Variants in DCAF11 observed in about 807,000 individuals in gnomAD.
DCAF11 encodes the protein DDB1 and CUL4 associated factor 11.
A neutral mutation model predicts 76.1 loss-of-function variants in DCAF11; 44 were observed. That is an observed-to-expected ratio of 0.58 (90% confidence interval 0.45 to 0.74). The LOEUF (loss-of-function observed/expected upper bound fraction) is 0.74. Ranked by LOEUF, DCAF11 falls within the 30% of genes least tolerant of loss-of-function variation. The probability of loss-of-function intolerance (pLI) is 0.00; values close to 1 mark genes in which losing one functional copy is unlikely to be tolerated. For missense variants in DCAF11, 604 were observed against 709.4 expected, an observed-to-expected ratio of 0.85 and a Z score of 1.69; for synonymous variants, 258 against 255.0, an observed-to-expected ratio of 1.01 and a Z score of -0.11.
intron 11 of DCAF11, among the ~76,000 whole-genome samples, chr14:24,120,371 A>G (rs1389486482): frequency 4.6e-5 from 7 of 152,150 alleles, no homozygotes; most frequent in Non-Finnish European, 1.0e-4. Context: ...CCTGGCTAAC[A>G]TGGTGAAACC....
chr14:24,121,664 T>G (rs2037693048), intron 13 of DCAF11, 147 bp downstream of exon 13: 12 of 803,670 alleles, frequency 1.5e-5, no homozygotes, highest in Non-Finnish European at 2.3e-5. Flanking sequence ...AACAGAGAAA[T>G]AGAAACCATT....
rs905453565 is a variant in DCAF11 at position 24,114,987 on chromosome 14, C to A, written c.-520C>A. The A allele has an allele frequency of 4.1e-6, 4 of 985,818 alleles. No homozygotes were observed. The African/African-American group carries it at 5.2e-5, about 13-fold the overall frequency. The allele number at this position is 985,818 out of a possible 1,614,324, so 61.1% of individuals were successfully genotyped here. The stretch of plus-strand genomic sequence containing the variant: ...AGTGGGAGGTGCTTCTCGGCTTCCT[C>A]CCCCTCATGGCGTACACACCCCCGG... On this transcript the variant is annotated 5_prime_UTR_variant, in exon 1 of 15. Coordinates refer to ENST00000446197, the MANE Select transcript of DCAF11 (RefSeq NM_025230.5).
At chr14:24,119,678 G>A in intron 10 of DCAF11, 33 bp from the exon 11 acceptor site, 2 of 1,614,126 alleles carry the variant, frequency 1.2e-6, no homozygotes, top group Non-Finnish European at 1.7e-6. Context: ...GACCTAGAAA[G>A]AGGTCTTATA....
intron 5 of DCAF11, 28 bp from the exon 6 acceptor site, chr14:24,118,027 C>CA: frequency 6.6e-7 from 1 of 1,509,736 alleles, no homozygotes; most frequent in Non-Finnish European, 9.1e-7. Flanking sequence ...GAGCACCCCT[C>CA]ACCCTCACTT....
chr14:24,125,004 C>T lies in DCAF11; in HGVS notation c.*1695C>T, dbSNP rs1134340. On this transcript the variant is annotated 3_prime_UTR_variant, in exon 15 of 15. Transcript: ENST00000446197. Reference sequence around the variant, plus strand: ...GTGAGCTGAGTGCAGTGAGCCAAGACCATGCCATTACACTCAAGCTTGGGC... The same window carrying T: ...GTGAGCTGAGTGCAGTGAGCCAAGATCATGCCATTACACTCAAGCTTGGGC... 66,845 of 151,842 alleles carry T rather than the reference C, an allele frequency of 0.44. 16,013 individuals carry two copies. Among genetic ancestry groups the T allele is most frequent in the East Asian group, 0.63 (3,243 of 5,156 alleles). 9.4% of individuals were successfully genotyped at this position (151,842 alleles called of 1,614,324 possible).
At position 24,117,075 on chromosome 14, in the gene DCAF11, C is replaced by G. The variant is rs754929890; in HGVS notation, c.283+31C>G. On this transcript the variant is annotated intron_variant, in intron 3 of 14. Transcript: ENST00000446197. This position sits in a 1 kb window ranked among gnomAD's most constrained non-coding sequence, Gnocchi z 4.3. ...AGGAAAAGCCCCTAATGTTGGAAGA[C>G]TTTTACTAGAAAACCTTTTAGTGAT... is the stretch of plus-strand genomic sequence containing the variant. The G allele has an allele frequency of 5.6e-6, 9 of 1,613,700 alleles. No homozygotes were observed. The highest frequency in any genetic ancestry group is 6.8e-6 in the Non-Finnish European group (8 of 1,179,898).
At position 24,117,632 on chromosome 14, in the gene DCAF11, T is replaced by C. The variant is rs770909896; in HGVS notation, c.412-36T>C. 1 of 1,607,188 alleles carries C rather than the reference T, an allele frequency of 6.2e-7. No homozygotes were observed. The highest frequency in any genetic ancestry group is 8.5e-7 in the Non-Finnish European group (1 of 1,175,050). On this transcript the variant is annotated intron_variant, in intron 4 of 14. Coordinates refer to ENST00000446197, the MANE Select transcript of DCAF11 (RefSeq NM_025230.5). This position sits in a 1 kb window ranked among gnomAD's most constrained non-coding sequence, Gnocchi z 4.3. ...TGATATGGCTGAAGTGGCCCTCTAT[T>C]TCTGCTAGCAATATTCCCCAATCCC...
At chr14:24,116,440 A>G (rs1309184399) in intron 2 of DCAF11, among the ~76,000 whole-genome samples, 1 of 152,204 alleles carries the variant, frequency 6.6e-6, no homozygotes, top group Non-Finnish European at 1.5e-5. Context: ...AGTGCACACC[A>G]CAGCCTGCAA....
intron 11 of DCAF11, 102 bp downstream of exon 11, chr14:24,119,998 A>G: frequency 7.2e-7 from 1 of 1,389,810 alleles, no homozygotes; most frequent in Non-Finnish European, 9.5e-7. Context: ...GCTCCTTATT[A>G]ACCAAGGTTT....
At chr14:24,123,151 T>C in intron 14 of DCAF11, 24 bp from the exon 15 acceptor site, 2 of 1,613,962 alleles carry the variant, frequency 1.2e-6, no homozygotes, top group South Asian at 1.1e-5. Flanking sequence ...ACATCCTGAC[T>C]GCTTGCCACC....
Position 24,123,290 on chromosome 14 carries a change from C to G in DCAF11, c.1622C>G (p.Pro541Arg). ...APAPVPQSST[P>R]FSSPQ ...GCCCCAGTGCCCCAATCCTCTACACCCTTTTCCTCACCCCAGTAGATCCAA... is the reference window on the plus strand; with the variant it reads ...GCCCCAGTGCCCCAATCCTCTACACGCTTTTCCTCACCCCAGTAGATCCAA... The change falls in exon 15 of 15, where the codon CCC (proline) becomes CGC (arginine). Residue 541 changes from proline (P) to arginine (R), a missense_variant. Pro to Arg is a moderately radical substitution (Grantham distance 103). Transcript: ENST00000446197. 6.5e-7 allele frequency: 1 copy of G among 1,537,974 alleles called. No individual in the cohort carries two copies. Among genetic ancestry groups the G allele is most frequent in the Non-Finnish European group, 8.8e-7 (1 of 1,142,204 alleles).
chr14:24,119,740 A>C lies in DCAF11; in HGVS notation c.936A>C (p.Ala312=). 6.2e-7 allele frequency: 1 copy of C among 1,614,208 alleles called. No individual in the cohort carries two copies. The highest frequency in any genetic ancestry group is 8.5e-7 in the Non-Finnish European group (1 of 1,180,032). The part of the protein sequence containing the change: ...QIESHEDDVN[A]VAFADISSQI... ...AGTCCCATGAGGATGATGTGAATGC[A>C]GTGGCCTTTGCTGATATAAGCTCCC... Residue 312 remains alanine, a synonymous_variant, in exon 11 of 15, where the codon GCA becomes GCC. Transcript: ENST00000446197.
rs2037533636 is a variant in DCAF11, at chr14:24,115,625, T to A, written c.31T>A (p.Ser11Thr). The change falls in exon 2 of 15, where the codon TCC (serine) becomes ACC (threonine). Residue 11 changes from serine (S) to threonine (T), a missense_variant. Ser to Thr is a moderately conservative substitution (Grantham distance 58). Coordinates refer to ENST00000446197, the MANE Select transcript of DCAF11 (RefSeq NM_025230.5). MGSRNSSSAG[S>T]GSGDPSEGLP... is the part of the protein sequence containing the mutation. ...ATCGCGGAACAGCAGCAGTGCAGGA[T>A]CCGGGTCCGGAGACCCCTCCGAGGG... is the stretch of plus-strand genomic sequence containing the variant. 2 of 1,613,664 alleles carry A rather than the reference T, an allele frequency of 1.2e-6. No homozygotes were observed. Among genetic ancestry groups the A allele is most frequent in the South Asian group, 1.1e-5 (1 of 91,026 alleles).
rs1167441390 is a variant in DCAF11 at position 24,116,978 on chromosome 14, T to C, written c.217T>C (p.Leu73=). ...AAATTTACAATTCATTCAGGCCCTCTTGGACTCAGAGGAAGAGAATGACAG... is the reference window on the plus strand; with the variant it reads ...AAATTTACAATTCATTCAGGCCCTCCTGGACTCAGAGGAAGAGAATGACAG... ...AANLQFIQAL[L]DSEEENDRAW... is the part of the protein sequence containing the mutation. The change falls in exon 3 of 15, where the codon TTG becomes CTG. Residue 73 remains leucine (L), a synonymous_variant. Transcript: ENST00000446197. 3 of 1,614,154 alleles carry C rather than the reference T, an allele frequency of 1.9e-6. No homozygotes were observed. The highest frequency in any genetic ancestry group is 2.5e-6 in the Non-Finnish European group (3 of 1,180,026).
chr14:24,116,896 A>G, intron 2 of DCAF11, 21 bp from the exon 3 acceptor site: 2 of 1,613,956 alleles, frequency 1.2e-6, no homozygotes, highest in Non-Finnish European at 1.7e-6. Context: ...CCCCTCCTTT[A>G]TAATGGGGGT....
Position 24,115,099 on chromosome 14 carries a change from G to C in DCAF11, c.-408G>C. 1 of 857,274 alleles carries C rather than the reference G, an allele frequency of 1.2e-6. No individual in the cohort carries two copies. Among genetic ancestry groups the C allele is most frequent in the African/African-American group, 1.8e-5 (1 of 54,888 alleles). The allele number at this position is 857,274 out of a possible 1,614,324, so 53.1% of individuals were successfully genotyped here. On this transcript the variant is annotated 5_prime_UTR_variant, in exon 1 of 15. Coordinates refer to ENST00000446197, the MANE Select transcript of DCAF11 (RefSeq NM_025230.5). ...CTGTCACTGCTGCCGGCCTTTGTAA[G>C]GGGGCGCTCTGATTGGTCGATAAGG...
intron 11 of DCAF11, among the ~76,000 whole-genome samples, chr14:24,120,618 T>C (rs2037672867): frequency 1.3e-5 from 2 of 152,052 alleles, no homozygotes; most frequent in South Asian, 4.2e-4. Context: ...TGATTAAGGC[T>C]AGAATAGGAA....
At chr14:24,118,253 C>G in intron 6 of DCAF11, 98 bp downstream of exon 6, 1 of 1,570,340 alleles carries the variant, frequency 6.4e-7, no homozygotes, top group Non-Finnish European at 8.7e-7. Context: ...TCAGACCTGG[C>G]TTAAGGATGC....
At chr14:24,118,025 C>A in intron 5 of DCAF11, 30 bp from the exon 6 acceptor site, 1 of 1,497,406 alleles carries the variant, frequency 6.7e-7, no homozygotes, top group South Asian at 1.2e-5. Flanking sequence ...CTGAGCACCC[C>A]TCACCCTCAC....
Sources: allele counts gnomAD v4.1 joint callset (sites outside exome capture counted in the v4.1 genomes callset), GRCh38; gene constraint gnomAD v4.1.1; non-coding constraint Gnocchi (gnomAD v3.1); transcripts MANE v1.5; gene names NCBI Gene and HGNC (gene_info 2026-07-23, HGNC 2026-07-21).